MTMR7: variants seen among roughly 807,000 people sequenced by gnomAD.
MTMR7 encodes the protein phosphatidylinositol-3-phosphate phosphatase MTMR7.
MTMR7 carries 76 observed loss-of-function variants against 81.2 expected under a neutral mutation model. The observed-to-expected ratio is 0.94, with a 90% confidence interval of 0.78 to 1.13. MTMR7 has a LOEUF of 1.13. MTMR7 is among the 50% of genes most tolerant of loss of function. The probability of loss-of-function intolerance (pLI) is 0.00; values close to 1 mark genes in which losing one functional copy is unlikely to be tolerated. For synonymous variants in MTMR7, 372 were observed against 289.8 expected, an observed-to-expected ratio of 1.28 and a Z score of -2.88; for missense variants, 1,044 against 820.0, an observed-to-expected ratio of 1.27 and a Z score of -3.34.
At chr8:17,334,331 C>T (rs1819155324) in intron 6 of MTMR7, among the ~76,000 whole-genome samples, 1 of 152,184 alleles carries the variant, frequency 6.6e-6, no homozygotes, top group Non-Finnish European at 1.5e-5. Context: ...GATACGGCAT[C>T]CCTTACATAA....
In MTMR7 at chr8:17,303,679, G is replaced by T. The variant is rs568237723; in HGVS notation, c.1493+700C>A. ...GGCTGGAGTGCAATGGCACGATCTCGGCTCACCGCAACCTCCTCCTCCCTG... is the reference window on the plus strand; with the variant it reads ...GGCTGGAGTGCAATGGCACGATCTCTGCTCACCGCAACCTCCTCCTCCCTG... On this transcript the variant is annotated intron_variant, in intron 12 of 13. Coordinates refer to ENST00000180173, the MANE Select transcript of MTMR7 (RefSeq NM_004686.5). Among the ~76,000 whole-genome samples, 4 of 150,362 alleles carry T rather than the reference G, an allele frequency of 2.7e-5. No homozygotes were observed. In the Admixed American group the frequency reaches 2.7e-4, roughly 10 times the overall value.
chr8:17,389,902 G>A (rs996005309), intron 1 of MTMR7, among the ~76,000 whole-genome samples: 5 of 151,962 alleles, frequency 3.3e-5, no homozygotes, highest in Admixed American at 6.6e-5. Context: ...ACATTAAACC[G>A]TTTCCTTTAT....
At position 17,341,479 on chromosome 8, in the gene MTMR7, T is replaced by G; in HGVS notation, c.616A>C (p.Ser206Arg). ...GCACTGAAGCCGGACAGGGGCTGGC[T>G]GCTCCGGCAGATGGAGGCCTAGGGG... ...KDNHASICRS[S>R]QPLSGFSARC... The change falls in exon 6 of 14, where the codon AGC becomes CGC. Residue 206 changes from serine (S) to arginine (R), a missense_variant. Coordinates refer to ENST00000180173, the MANE Select transcript of MTMR7 (RefSeq NM_004686.5). 6.2e-7 allele frequency: 1 copy of G among 1,613,948 alleles called. No individual in the cohort carries two copies. The highest frequency in any genetic ancestry group is 8.5e-7 in the Non-Finnish European group (1 of 1,180,038).
chr8:17,339,058 G>C (rs531191879), intron 6 of MTMR7: 3 of 152,202 alleles, frequency 2.0e-5, no homozygotes, highest in Admixed American at 6.5e-5. Flanking sequence ...GAAGTTCAGA[G>C]AATCCGTGAA....
At chr8:17,395,814 A>G (rs1293164055) in intron 1 of MTMR7, among the ~76,000 whole-genome samples, 1 of 152,178 alleles carries the variant, frequency 6.6e-6, no homozygotes, top group Non-Finnish European at 1.5e-5. Flanking sequence ...ATACAAGTAT[A>G]TTTGTTTGCT....
At chr8:17,408,798 G>C (rs1821665272) in intron 1 of MTMR7, among the ~76,000 whole-genome samples, 1 of 152,102 alleles carries the variant, frequency 6.6e-6, no homozygotes, top group Admixed American at 6.5e-5. Context: ...AACTACTAAT[G>C]GGTAACTTGA....
At chr8:17,342,285 T>C (rs1819429070) in intron 5 of MTMR7, among the ~76,000 whole-genome samples, 1 of 152,200 alleles carries the variant, frequency 6.6e-6, no homozygotes, top group Non-Finnish European at 1.5e-5. Context: ...GGATTTAGGT[T>C]TTAACACTTA....
chr8:17,319,522 C>A (rs770219725), intron 7 of MTMR7, among the ~76,000 whole-genome samples: 2 of 152,150 alleles, frequency 1.3e-5, no homozygotes. Flanking sequence ...GAGTTTTTGC[C>A]ACCACATCAT....
chr8:17,336,821 A>T (rs1819254741), intron 6 of MTMR7, among the ~76,000 whole-genome samples: 2 of 152,106 alleles, frequency 1.3e-5, no homozygotes. Context: ...GTGTGCTCAG[A>T]GGTGGTAACC....
rs548231440 is a variant in MTMR7 at position 17,396,785 on chromosome 8, C to T, written c.24+16484G>A. ...ATGCTTGTGCCACCCCTCTCACAAC[C>T]CCAGGCAGTGCCTCTGGAAGTGACT... On this transcript the variant is annotated intron_variant, in intron 1 of 13. Transcript: ENST00000180173. 7.2e-5 allele frequency among the ~76,000 whole-genome samples: 11 copies of T among 151,984 alleles called. No individual in the cohort carries two copies. The South Asian group carries it at 2.3e-3, about 32-fold the overall frequency.
intron 7 of MTMR7, among the ~76,000 whole-genome samples, chr8:17,322,078 T>C (rs1024458253): frequency 3.9e-5 from 6 of 152,088 alleles, no homozygotes; most frequent in South Asian, 2.1e-4. Flanking sequence ...AGATCTGAAG[T>C]TGAAACATAT....
chr8:17,385,970 C>T (rs1457732706), intron 1 of MTMR7, among the ~76,000 whole-genome samples: 1 of 152,146 alleles, frequency 6.6e-6, no homozygotes, highest in Non-Finnish European at 1.5e-5. Context: ...TGTGAAAGAA[C>T]CTTGTGAAAA....
rs143441670 is a variant in MTMR7 at position 17,349,290 on chromosome 8, T to A, written c.469-209A>T. ...GTAATCATTCTGAAGGAACGCAAGC[T>A]ACCCTTAGTGTTCTGTCCCCGTGCA... On this transcript the variant is annotated intron_variant, in intron 4 of 13. Coordinates refer to ENST00000180173, the MANE Select transcript of MTMR7 (RefSeq NM_004686.5). 2.4e-3 allele frequency: 1,189 copies of A among 505,676 alleles called. 5 individuals carry two copies. The highest frequency in any genetic ancestry group is 3.6e-3 in the Non-Finnish European group (1,019 of 283,694). 31.3% of individuals were successfully genotyped at this position (505,676 alleles called of 1,614,324 possible).
chr8:17,362,094 A>G (rs1307376513), intron 3 of MTMR7, among the ~76,000 whole-genome samples: 3 of 152,204 alleles, frequency 2.0e-5, no homozygotes, highest in African/African-American at 7.2e-5. Context: ...GCTATCCAAC[A>G]GAAATATAAT....
At chr8:17,380,698 C>T (rs745726315) in intron 1 of MTMR7, among the ~76,000 whole-genome samples, 2 of 152,172 alleles carry the variant, frequency 1.3e-5, no homozygotes, top group African/African-American at 2.4e-5. Context: ...TTCAAAGCCA[C>T]GTTCATCCTT....
At chr8:17,321,255 A>G (rs1332212339) in intron 7 of MTMR7, among the ~76,000 whole-genome samples, 1 of 152,224 alleles carries the variant, frequency 6.6e-6, no homozygotes, top group Non-Finnish European at 1.5e-5. Context: ...GCAAGAGAGG[A>G]ATGGATGGCC....
intron 3 of MTMR7, among the ~76,000 whole-genome samples, chr8:17,368,570 T>G (rs184312405): frequency 2.0e-5 from 3 of 152,220 alleles, no homozygotes; most frequent in African/African-American, 4.8e-5. Context: ...CATCCCCCAG[T>G]TGAAGGCAAC....
At chr8:17,325,992 C>G (rs1004611458) in intron 7 of MTMR7, among the ~76,000 whole-genome samples, 1 of 152,144 alleles carries the variant, frequency 6.6e-6, no homozygotes, top group African/African-American at 2.4e-5. Context: ...GCAAGAAATC[C>G]TTTTAATGAT....
intron 8 of MTMR7, 121 bp downstream of exon 8, chr8:17,313,171 C>G: frequency 1.6e-6 from 1 of 619,502 alleles, no homozygotes; most frequent in Non-Finnish European, 2.8e-6. Context: ...CTCTACAAAG[C>G]TGGCTATCCA....
Sources: allele counts gnomAD v4.1 joint callset (sites outside exome capture counted in the v4.1 genomes callset), GRCh38; gene constraint gnomAD v4.1.1; transcripts MANE v1.5; gene names NCBI Gene and HGNC (gene_info 2026-07-23, HGNC 2026-07-21).